FHOD3: variants seen among roughly 807,000 people sequenced by gnomAD.
FHOD3 encodes formin homology 2 domain containing 3.
In FHOD3, 90 loss-of-function variants were observed where a neutral mutation model predicts 173.0. That is an observed-to-expected ratio of 0.52 (90% CI 0.44 to 0.62). FHOD3 has a LOEUF of 0.62. Ranked by LOEUF, FHOD3 falls within the 20% of genes least tolerant of loss-of-function variation. The probability of loss-of-function intolerance (pLI) is 0.00; values close to 1 mark genes in which losing one functional copy is unlikely to be tolerated. For synonymous variants in FHOD3, 828 were observed against 823.0 expected, an observed-to-expected ratio of 1.01 and a Z score of -0.10; for missense variants, 1,945 against 2,034.7, an observed-to-expected ratio of 0.96 and a Z score of 0.85.
chr18:36,319,086 G>A (rs1170085299), intron 1 of FHOD3, among the ~76,000 whole-genome samples: 3 of 152,138 alleles, frequency 2.0e-5, no homozygotes, highest in African/African-American at 4.8e-5. Context: ...CTTGATCATG[G>A]CAGATAAGCT....
rs543113919 is a variant in FHOD3 at position 36,729,225 on chromosome 18, T to A, written c.3418-1421T>A. Among the ~76,000 whole-genome samples, 11 of 152,292 alleles carry A rather than the reference T, an allele frequency of 7.2e-5. No individual in the cohort carries two copies. In the South Asian group the frequency reaches 1.5e-3, roughly 20 times the overall value. ...ATTCATCTTTGTTACTCTAGACTTG[T>A]TACATGAGTCAAAATAGCCATCCTC... On this transcript the variant is annotated intron_variant, in intron 19 of 28. Coordinates refer to ENST00000590592, the MANE Select transcript of FHOD3 (RefSeq NM_001281740.3).
intron 9 of FHOD3, among the ~76,000 whole-genome samples, chr18:36,616,549 A>G (rs576566374): frequency 7.9e-5 from 12 of 152,228 alleles, no homozygotes; most frequent in African/African-American, 1.2e-4. Flanking sequence ...GTCGAATTAC[A>G]TGTGCCTAAT....
chr18:36,664,560 TG>T (rs769354612), intron 14 of FHOD3, among the ~76,000 whole-genome samples: 10 of 152,142 alleles, frequency 6.6e-5, no homozygotes, highest in Non-Finnish European at 1.5e-4. Flanking sequence ...AAAGTGACTG[TG>T]GGCCCTAGGG....
At chr18:36,713,197 AAGC>A (rs2040266403) in intron 18 of FHOD3, among the ~76,000 whole-genome samples, 1 of 152,240 alleles carries the variant, frequency 6.6e-6, no homozygotes, top group African/African-American at 2.4e-5. Context: ...GAATGGGTGA[AAGC>A]AGGGGTAAAT....
chr18:36,500,601 A>C (rs1296940025), intron 3 of FHOD3, among the ~76,000 whole-genome samples: 1 of 152,174 alleles, frequency 6.6e-6, no homozygotes, highest in African/African-American at 2.4e-5. Context: ...TTAACACAGA[A>C]CCCATTTTCC....
intron 3 of FHOD3, among the ~76,000 whole-genome samples, chr18:36,486,840 G>C (rs1455441180): frequency 2.0e-5 from 3 of 152,128 alleles, no homozygotes; most frequent in Non-Finnish European, 4.4e-5. Flanking sequence ...GGCAAGCACT[G>C]GTCTGCTTTG....
At chr18:36,481,832 A>G (rs1790630) in intron 3 of FHOD3, among the ~76,000 whole-genome samples, 68,725 of 151,998 alleles carry the variant, frequency 0.45, 16,136 homozygotes, top group South Asian at 0.59. Flanking sequence ...AAGTCTTTGC[A>G]CTATTGAATC....
At chr18:36,436,902 C>T (rs1251524058) in intron 3 of FHOD3, among the ~76,000 whole-genome samples, 1 of 152,198 alleles carries the variant, frequency 6.6e-6, no homozygotes, top group Non-Finnish European at 1.5e-5. Context: ...CATCAACATA[C>T]CTCTGTGAGA....
intron 16 of FHOD3, among the ~76,000 whole-genome samples, chr18:36,690,855 C>T (rs537731679): frequency 1.4e-4 from 22 of 152,302 alleles, no homozygotes; most frequent in African/African-American, 5.1e-4. Context: ...AGTCTCCAGA[C>T]TCTTCTCATC....
chr18:36,724,871 C>T (rs573151214), intron 19 of FHOD3, among the ~76,000 whole-genome samples: 6 of 152,312 alleles, frequency 3.9e-5, no homozygotes, highest in African/African-American at 7.2e-5. Flanking sequence ...GGAGCTCTGC[C>T]GTGGGCGTTC....
At position 36,718,722 on chromosome 18, in the gene FHOD3, C is replaced by T; in HGVS notation, c.3417+7C>T. The T allele has an allele frequency of 6.2e-7, 1 of 1,607,124 alleles. No individual in the cohort carries two copies. Among genetic ancestry groups the T allele is most frequent in the Non-Finnish European group, 8.5e-7 (1 of 1,175,750 alleles). On this transcript the variant is annotated splice_region_variant and intron_variant, in intron 19 of 28. Coordinates refer to ENST00000590592, the MANE Select transcript of FHOD3 (RefSeq NM_001281740.3). ...GGAACTGTCTGTCTCAAAGGTACTG[C>T]TAGTCTTCAGCATGCTTCTTGATTG...
At chr18:36,506,476 TG>T (rs1242664746) in intron 4 of FHOD3, among the ~76,000 whole-genome samples, 1 of 152,124 alleles carries the variant, frequency 6.6e-6, no homozygotes, top group Non-Finnish European at 1.5e-5. Context: ...GTATGTCAAG[TG>T]AGAAGAAAAT....
intron 3 of FHOD3, among the ~76,000 whole-genome samples, chr18:36,457,233 T>C (rs2052271479): frequency 6.6e-6 from 1 of 152,124 alleles, no homozygotes; most frequent in South Asian, 2.1e-4. Flanking sequence ...AATATGGATT[T>C]AAAAATGCCA....
chr18:36,592,825 G>A (rs149302255), intron 6 of FHOD3, among the ~76,000 whole-genome samples: 1 of 152,236 alleles, frequency 6.6e-6, no homozygotes, highest in East Asian at 1.9e-4. Flanking sequence ...AAAATTGAGA[G>A]TTCTGTTTTG....
chr18:36,491,444 G>A (rs78491132), intron 3 of FHOD3, among the ~76,000 whole-genome samples: 1,964 of 152,156 alleles, frequency 0.013, 43 homozygotes, highest in African/African-American at 0.045. Flanking sequence ...TTACATTAAG[G>A]TTCACTCTTT....
At chr18:36,314,553 G>A (rs903467136) in intron 1 of FHOD3, among the ~76,000 whole-genome samples, 1 of 152,176 alleles carries the variant, frequency 6.6e-6, no homozygotes, top group Non-Finnish European at 1.5e-5. Flanking sequence ...AGGAACAATG[G>A]GAGGGGAACA....
Position 36,718,440 on chromosome 18 carries a change from C to A in FHOD3, c.3142C>A (p.Pro1048Thr). 6.2e-7 allele frequency: 1 copy of A among 1,602,466 alleles called. No individual in the cohort carries two copies. The highest frequency in any genetic ancestry group is 2.2e-5 in the East Asian group (1 of 44,756). ...PPLLDSIPPP[P>T]VPGNLLVPPP... ...CCTGTTGGACAGCATTCCTCCCCCT[C>A]CTGTCCCTGGTAATTTATTGGTTCC... The change falls in exon 19 of 29, where the codon CCT becomes ACT. Residue 1048 changes from proline (P) to threonine (T), a missense_variant. By Grantham distance (38) the Pro-to-Thr change is conservative. Around this residue, in one of 5 missense-constraint regions of FHOD3, gnomAD observed 1,099 missense variants for 1,051.2 expected, o/e 1.05. Coordinates refer to ENST00000590592, the MANE Select transcript of FHOD3 (RefSeq NM_001281740.3).
rs562171560 is a variant in FHOD3, at chr18:36,468,210, T to G, written c.338-33722T>G. Among the ~76,000 whole-genome samples, 166 of 152,280 alleles carry G rather than the reference T, an allele frequency of 1.1e-3. 1 individual carries two copies. The highest frequency in any genetic ancestry group is 3.9e-3 in the African/African-American group (161 of 41,568). On this transcript the variant is annotated intron_variant, in intron 3 of 28. Transcript: ENST00000590592. Reference sequence around the variant, plus strand: ...ACCCAGGCTGCTGGCTGGTCTCTGATGTGCCTTCCACCTTAATGACTCTGC... The same window carrying G: ...ACCCAGGCTGCTGGCTGGTCTCTGAGGTGCCTTCCACCTTAATGACTCTGC...
At chr18:36,744,376 T>C (rs916958091) in intron 23 of FHOD3, among the ~76,000 whole-genome samples, 183 bp downstream of exon 23, 5 of 152,262 alleles carry the variant, frequency 3.3e-5, no homozygotes, top group African/African-American at 1.2e-4. Flanking sequence ...TAAGATCTTT[T>C]TCCTATCTCT....
Sources: allele counts gnomAD v4.1 joint callset (sites outside exome capture counted in the v4.1 genomes callset), GRCh38; gene constraint gnomAD v4.1.1; regional missense constraint gnomAD v4.1.1; transcripts MANE v1.5; gene names NCBI Gene and HGNC (gene_info 2026-07-23, HGNC 2026-07-21).